ZFP2: variants seen among roughly 807,000 people sequenced by gnomAD.
ZFP2 encodes the protein ZFP2 zinc finger protein.
Under a neutral mutation model 36.1 loss-of-function variants are expected in ZFP2, and 33 were observed. That is an observed-to-expected ratio of 0.92 (90% confidence interval 0.69 to 1.22). ZFP2 has a LOEUF of 1.22. Ranked by LOEUF, ZFP2 falls within the 50% of genes most tolerant of loss-of-function variation. The pLI, the probability that ZFP2 is intolerant of heterozygous loss-of-function variation, is 0.00. For missense variants in ZFP2, 522 were observed against 551.4 expected (o/e 0.95, Z 0.53); for synonymous variants, 170 against 178.0 (o/e 0.96, Z 0.36).
At chr5:178,899,365 T>C (rs760795205) in intron 1 of ZFP2, among the ~76,000 whole-genome samples, 1 of 152,148 alleles carries the variant, frequency 6.6e-6, no homozygotes, top group African/African-American at 2.4e-5. Context: ...TCAAATAAAA[T>C]AATAAAAGTA....
chr5:178,930,685 AGTT>A, intron 4 of ZFP2, among the ~76,000 whole-genome samples: 1 of 152,174 alleles, frequency 6.6e-6, no homozygotes, highest in Non-Finnish European at 1.5e-5. Context: ...ACAAGTAACT[AGTT>A]AAGATGGTGT....
At chr5:178,899,775 CTT>C (rs397968153) in intron 1 of ZFP2, among the ~76,000 whole-genome samples, 1 of 143,964 alleles carries the variant, frequency 6.9e-6, no homozygotes, top group Non-Finnish European at 1.5e-5. Context: ...GCCCTAACTT[CTT>C]TTTTTTTTTT....
chr5:178,896,411 C>T (rs934912473), intron 1 of ZFP2, among the ~76,000 whole-genome samples: 5 of 152,156 alleles, frequency 3.3e-5, no homozygotes, highest in Non-Finnish European at 7.4e-5. Flanking sequence ...GACCGTGGAG[C>T]GAACCTAACC....
Position 178,932,968 on chromosome 5 carries a change from A to G in ZFP2, c.*269A>G, listed in dbSNP as rs1324254431. 5 of 350,116 alleles carry G rather than the reference A, an allele frequency of 1.4e-5. No individual in the cohort carries two copies. In the East Asian group the frequency reaches 2.9e-4, roughly 20 times the overall value. 21.7% of individuals were successfully genotyped at this position (350,116 alleles called of 1,614,324 possible). A position where few individuals can be genotyped will look rare whatever the true frequency, so the allele number is the denominator to read the frequency against. The stretch of plus-strand genomic sequence containing the variant: ...CTGAAGATAAGTTCTGTTATATCAT[A>G]CCGCACATTCTCCTTTGGCTATCAG... On this transcript the variant is annotated 3_prime_UTR_variant, in exon 5 of 5. Transcript: ENST00000361362.
chr5:178,927,853 T>C (rs1313433679), intron 4 of ZFP2, among the ~76,000 whole-genome samples: 1 of 151,742 alleles, frequency 6.6e-6, no homozygotes, highest in African/African-American at 2.4e-5. Context: ...GGGTAATTTA[T>C]AAGAAAAGTT....
At chr5:178,930,847 G>C (rs563758515) in intron 4 of ZFP2, among the ~76,000 whole-genome samples, 1 of 152,284 alleles carries the variant, frequency 6.6e-6, no homozygotes, top group African/African-American at 2.4e-5. Context: ...GGAATACCAG[G>C]TACAGTGTGC....
At chr5:178,912,046 T>A (rs1758307417) in intron 1 of ZFP2, among the ~76,000 whole-genome samples, 1 of 152,124 alleles carries the variant, frequency 6.6e-6, no homozygotes, top group Admixed American at 6.5e-5. Context: ...GGCAGAAGAA[T>A]TTCTTGAATC....
chr5:178,930,163 C>G (rs1341268234), intron 4 of ZFP2, among the ~76,000 whole-genome samples: 1 of 151,790 alleles, frequency 6.6e-6, no homozygotes, highest in African/African-American at 2.4e-5. Flanking sequence ...CCATAAGGCC[C>G]CACCTCCAAC....
chr5:178,906,649 G>A (rs751566869), intron 1 of ZFP2, among the ~76,000 whole-genome samples: 23 of 151,838 alleles, frequency 1.5e-4, no homozygotes, highest in Non-Finnish European at 3.1e-4. Context: ...TCCGCCTCCC[G>A]GGTTCAAGTG....
At chr5:178,929,010 C>T (rs1581843763) in intron 4 of ZFP2, among the ~76,000 whole-genome samples, 1 of 152,386 alleles carries the variant, frequency 6.6e-6, no homozygotes, top group Non-Finnish European at 1.5e-5. Flanking sequence ...AGCTTGCACC[C>T]TCTGAAGCAG....
chr5:178,912,274 G>A (rs1464143118), intron 1 of ZFP2, among the ~76,000 whole-genome samples: 2 of 152,168 alleles, frequency 1.3e-5, no homozygotes, highest in African/African-American at 4.8e-5. Flanking sequence ...TTTGGGGCAG[G>A]GATTCCTTCC....
chr5:178,926,761 G>A (rs879487678), intron 4 of ZFP2, among the ~76,000 whole-genome samples: 4 of 151,940 alleles, frequency 2.6e-5, no homozygotes, highest in Admixed American at 6.6e-5. Context: ...CTGGTGATCC[G>A]TCCACCTCGG....
In ZFP2 at chr5:178,921,461, A is replaced by C. The variant is rs949054054; in HGVS notation, c.-78+4751A>C. On this transcript the variant is annotated intron_variant, in intron 4 of 4. Transcript: ENST00000361362. The stretch of plus-strand genomic sequence containing the variant: ...GGACCACAGATCCCTTGCTTGGGGA[A>C]GAAGGACCCTCTCCTCATGTTTTTG... 6.0e-5 allele frequency among the ~76,000 whole-genome samples: 9 copies of C among 149,776 alleles called. 1 individual carries two copies. The highest frequency in any genetic ancestry group is 1.3e-4 in the Non-Finnish European group (9 of 66,700).
intron 1 of ZFP2, among the ~76,000 whole-genome samples, chr5:178,905,797 A>T (rs1414514002): frequency 1.3e-5 from 2 of 151,162 alleles, no homozygotes; most frequent in Non-Finnish European, 2.9e-5. Flanking sequence ...AATTGCCCAG[A>T]CTGGACTACA....
intron 4 of ZFP2, among the ~76,000 whole-genome samples, chr5:178,926,784 C>T (rs35376935): frequency 2.0e-3 from 297 of 152,148 alleles, no homozygotes; most frequent in African/African-American, 6.4e-3. Flanking sequence ...TCCCAGAGTT[C>T]TGGGATTACA....
chr5:178,909,812 G>A (rs573010201), intron 1 of ZFP2: 41 of 1,592,644 alleles, frequency 2.6e-5, no homozygotes, highest in African/African-American at 1.1e-4. Context: ...CAAAGGTGTC[G>A]AAGAGATTTG....
At chr5:178,918,534 A>G (rs920858114) in intron 4 of ZFP2, among the ~76,000 whole-genome samples, 1 of 152,198 alleles carries the variant, frequency 6.6e-6, no homozygotes, top group African/African-American at 2.4e-5. Context: ...GTGTGTACTA[A>G]GGGGTCTGTG....
chr5:178,896,578 A>G (rs897144082), intron 1 of ZFP2, among the ~76,000 whole-genome samples: 44 of 152,270 alleles, frequency 2.9e-4, no homozygotes, highest in Middle Eastern at 3.4e-3. Flanking sequence ...GGGGAGGCCA[A>G]CCTGGTGCAG....
chr5:178,897,992 AC>A (rs1757976213), intron 1 of ZFP2, among the ~76,000 whole-genome samples: 1 of 151,952 alleles, frequency 6.6e-6, no homozygotes, highest in Admixed American at 6.6e-5. Flanking sequence ...TAATTAGTGA[AC>A]TTCTTTTTTT....
Sources: allele counts gnomAD v4.1 joint callset (sites outside exome capture counted in the v4.1 genomes callset), GRCh38; gene constraint gnomAD v4.1.1; transcripts MANE v1.5; gene names NCBI Gene and HGNC (gene_info 2026-07-23, HGNC 2026-07-21).